PARVB: variants seen among roughly 807,000 people sequenced by gnomAD.
PARVB encodes parvin beta.
A neutral mutation model predicts 47.0 loss-of-function variants in PARVB; 46 were observed. That is an observed-to-expected ratio of 0.98 (90% confidence interval 0.77 to 1.25). The LOEUF (loss-of-function observed/expected upper bound fraction) is 1.25, where lower values mean the gene tolerates loss of function less well. PARVB is among the 50% of genes most tolerant of loss of function. The pLI is 0.00. For missense variants in PARVB, 473 were observed against 471.6 expected, an observed-to-expected ratio of 1.00 and a Z score of -0.03; for synonymous variants, 196 against 196.3, an observed-to-expected ratio of 1.00 and a Z score of 0.01.
At chr22:44,140,380 G>A in intron 8 of PARVB, 1 of 718,490 alleles carries the variant, frequency 1.4e-6, no homozygotes, top group Non-Finnish European at 2.6e-6. Flanking sequence ...GTGGAAGGCT[G>A]GGTGACCAGC....
intron 1 of PARVB, among the ~76,000 whole-genome samples, chr22:44,035,531 C>T (rs956149073): frequency 1.4e-4 from 21 of 151,934 alleles, no homozygotes; most frequent in African/African-American, 3.4e-4. Flanking sequence ...CCACCGTGCC[C>T]GGCTGATTTT....
chr22:44,055,827 T>C (rs942760944), intron 1 of PARVB, among the ~76,000 whole-genome samples: 1 of 152,100 alleles, frequency 6.6e-6, no homozygotes, highest in African/African-American at 2.4e-5. Flanking sequence ...CCCAGCTGAG[T>C]GAATCCCCTT....
intron 12 of PARVB, among the ~76,000 whole-genome samples, chr22:44,165,137 G>A (rs772609762): frequency 2.6e-5 from 4 of 152,144 alleles, no homozygotes; most frequent in Middle Eastern, 3.2e-3. Flanking sequence ...GGACTAAGGC[G>A]CATACCACCA....
intron 4 of PARVB, among the ~76,000 whole-genome samples, chr22:44,130,056 A>G (rs1354609636): frequency 6.6e-6 from 1 of 152,224 alleles, no homozygotes; most frequent in African/African-American, 2.4e-5. Context: ...CACTGAAGAC[A>G]TGGGGGCCTC....
chr22:44,151,867 G>C (rs1355915271), intron 10 of PARVB: 2 of 292,254 alleles, frequency 6.8e-6, no homozygotes, highest in East Asian at 1.4e-4. Context: ...GGGAGGAGCT[G>C]TTCCTGGCCT....
chr22:44,005,778 C>T (rs572814345), intron 2 of PARVB, among the ~76,000 whole-genome samples: 2 of 152,312 alleles, frequency 1.3e-5, no homozygotes, highest in South Asian at 2.1e-4. Flanking sequence ...TCATTTACAT[C>T]GGTTGTAATC....
intron 1 of PARVB, among the ~76,000 whole-genome samples, chr22:44,062,897 T>A (rs1057176955): frequency 6.6e-6 from 1 of 152,248 alleles, no homozygotes; most frequent in South Asian, 2.1e-4. Flanking sequence ...CATGTAGGCA[T>A]GTCTGGTTAT....
At chr22:44,144,144 C>A (rs1181840415) in intron 8 of PARVB, 2 of 152,282 alleles carry the variant, frequency 1.3e-5, no homozygotes, top group Non-Finnish European at 2.9e-5. Flanking sequence ...GCCTTTCCTC[C>A]TCCTCTTGCC....
At chr22:44,081,532 A>G (rs1601573347) in intron 1 of PARVB, 6 of 879,816 alleles carry the variant, frequency 6.8e-6, no homozygotes, top group Non-Finnish European at 6.8e-6. Context: ...TACCAGTCAC[A>G]TTAATTAATA....
At chr22:44,019,774 A>T (rs1345886301), upstream of PARVB, among the ~76,000 whole-genome samples, 2 of 152,130 alleles carry the variant, frequency 1.3e-5, no homozygotes, top group African/African-American at 2.4e-5. Context: ...ACCATGAGGG[A>T]TCCTCCCCAG....
chr22:44,096,694 C>G (rs891699204), intron 2 of PARVB, among the ~76,000 whole-genome samples: 1 of 152,176 alleles, frequency 6.6e-6, no homozygotes, highest in Admixed American at 6.5e-5. Flanking sequence ...CAGAGCTAGG[C>G]TCCTCCCCCT....
intron 1 of PARVB, among the ~76,000 whole-genome samples, chr22:44,065,859 ATGTGTG>A (rs139664039): frequency 6.9e-6 from 1 of 144,530 alleles, no homozygotes; most frequent in South Asian, 2.2e-4. Context: ...GTGTGTGTGC[ATGTGTG>A]TGTGTGTGTG....
At chr22:44,022,376 C>T (rs1361384558), upstream of PARVB, among the ~76,000 whole-genome samples, 4 of 152,108 alleles carry the variant, frequency 2.6e-5, no homozygotes, top group African/African-American at 9.7e-5. Context: ...CTCCTCTGCC[C>T]ACAGCACTTC....
chr22:44,101,131 T>C (rs180724280), intron 3 of PARVB, among the ~76,000 whole-genome samples: 136 of 152,234 alleles, frequency 8.9e-4, no homozygotes, highest in African/African-American at 3.2e-3. Flanking sequence ...ACATTGAGGC[T>C]GGGCGCGGTG....
chr22:44,163,164 T>C (rs771598902), intron 11 of PARVB, among the ~76,000 whole-genome samples: 7 of 152,190 alleles, frequency 4.6e-5, no homozygotes, highest in African/African-American at 7.2e-5. Flanking sequence ...TCAGTTTCCC[T>C]GTCTGTGAAA....
intron 1 of PARVB, among the ~76,000 whole-genome samples, chr22:44,045,005 G>A (rs572956789): frequency 1.6e-4 from 24 of 152,280 alleles, no homozygotes; most frequent in Non-Finnish European, 2.1e-4. Context: ...TTGGGAGGCC[G>A]AGGCAGGAGG....
chr22:44,124,952 G>A (rs541736983), intron 4 of PARVB, among the ~76,000 whole-genome samples: 1 of 152,112 alleles, frequency 6.6e-6, no homozygotes, highest in Non-Finnish European at 1.5e-5. Context: ...GAAAACACAG[G>A]GGTGCAGCAT....
At chr22:44,128,317 C>A (rs133915) in intron 4 of PARVB, among the ~76,000 whole-genome samples, 57,254 of 152,098 alleles carry the variant, frequency 0.38, 11,258 homozygotes, top group Non-Finnish European at 0.45. Flanking sequence ...GTACTCAACC[C>A]CCATGTGGCC....
chr22:44,102,283 C>G (rs11913654), intron 3 of PARVB, among the ~76,000 whole-genome samples: 8,560 of 152,266 alleles, frequency 0.056, 680 homozygotes, highest in African/African-American at 0.17. Flanking sequence ...CTGCTTTACT[C>G]TATCCACCAA....
Sources: gnomAD v4.1 joint callset for allele counts (sites outside exome capture counted in the v4.1 genomes callset) on GRCh38, gnomAD v4.1.1 for gene constraint, MANE v1.5 for transcripts, NCBI Gene and HGNC (gene_info 2026-07-23, HGNC 2026-07-21) for gene names.